Variants in DTNB observed in about 807,000 individuals in gnomAD.
DTNB encodes DTN-B.
In DTNB, 63 loss-of-function variants were observed where a neutral mutation model predicts 90.7. That is an observed-to-expected ratio of 0.69 (90% CI 0.57 to 0.86). The LOEUF is 0.86. Ranked by LOEUF, DTNB falls within the 40% of genes least tolerant of loss-of-function variation. The pLI is 0.00. For synonymous variants in DTNB, 277 were observed against 286.7 expected, an observed-to-expected ratio of 0.97 and a Z score of 0.34; for missense variants, 744 against 807.1, an observed-to-expected ratio of 0.92 and a Z score of 0.95.
chr2:25,499,172 G>A (rs544182919), intron 9 of DTNB, among the ~76,000 whole-genome samples: 11 of 143,694 alleles, frequency 7.7e-5, no homozygotes, highest in Non-Finnish European at 1.6e-4. Flanking sequence ...AGTCGAGATC[G>A]TGTCATTGCA....
intron 3 of DTNB, among the ~76,000 whole-genome samples, chr2:25,633,445 C>T (rs1329507391): frequency 3.9e-5 from 6 of 152,146 alleles, no homozygotes; most frequent in Middle Eastern, 3.2e-3. Context: ...GGATTGCAGA[C>T]GGAGTCTGGT....
intron 2 of DTNB, chr2:25,650,124 T>A (rs1559385254): frequency 1.0e-6 from 1 of 985,340 alleles, no homozygotes; most frequent in Non-Finnish European, 1.2e-6. Flanking sequence ...TAAACCCAGT[T>A]CTTGGCAGGA....
chr2:25,470,679 A>C (rs1395172433), intron 10 of DTNB, among the ~76,000 whole-genome samples: 1 of 152,096 alleles, frequency 6.6e-6, no homozygotes. Context: ...ACCCGGCCTG[A>C]AGACAACAAT....
intron 9 of DTNB, among the ~76,000 whole-genome samples, chr2:25,506,359 T>G (rs576386160): frequency 2.0e-5 from 3 of 149,014 alleles, no homozygotes; most frequent in African/African-American, 7.4e-5. Flanking sequence ...TACCGAGTTG[T>G]TTTTTTTTTA....
chr2:25,522,443 C>T (rs1250969118), intron 9 of DTNB, among the ~76,000 whole-genome samples: 1 of 152,122 alleles, frequency 6.6e-6, no homozygotes, highest in East Asian at 1.9e-4. Context: ...AATTCATTCA[C>T]TCAATACATT....
At chr2:25,523,921 G>C (rs2076614636) in intron 9 of DTNB, among the ~76,000 whole-genome samples, 2 of 133,302 alleles carry the variant, frequency 1.5e-5, no homozygotes, top group East Asian at 2.2e-4. Context: ...TTTTTTTTGA[G>C]ACAGAGTTTC....
intron 1 of DTNB, among the ~76,000 whole-genome samples, chr2:25,664,176 C>T (rs73922449): frequency 0.031 from 4,664 of 152,196 alleles, 112 homozygotes; most frequent in African/African-American, 0.066. Flanking sequence ...TTTTTTATTA[C>T]TGCTTTTTCA....
At chr2:25,436,159 A>G (rs950891815) in intron 12 of DTNB, among the ~76,000 whole-genome samples, 1 of 152,138 alleles carries the variant, frequency 6.6e-6, no homozygotes, top group Admixed American at 6.5e-5. Context: ...ACATGGTGAA[A>G]CCTTGTCTCT....
intron 18 of DTNB, among the ~76,000 whole-genome samples, chr2:25,384,190 G>C (rs1465886298): frequency 2.0e-5 from 3 of 152,234 alleles, no homozygotes; most frequent in African/African-American, 7.2e-5. Context: ...ATGCCTGTCT[G>C]CCCTCAGGTG....
intron 7 of DTNB, 57 bp downstream of exon 7, chr2:25,580,664 A>T: frequency 2.1e-6 from 3 of 1,435,238 alleles, no homozygotes; most frequent in Non-Finnish European, 2.9e-6. Context: ...CATTGCAAAT[A>T]ATCAGTTCCT....
rs1440396795 is a variant in DTNB at position 25,379,291 on chromosome 2, T to C, written c.*28A>G. 2.3e-6 allele frequency: 3 copies of C among 1,327,190 alleles called. No individual in the cohort carries two copies. The highest frequency in any genetic ancestry group is 1.9e-6 in the Non-Finnish European group (2 of 1,029,558). 82.2% of individuals were successfully genotyped at this position (1,327,190 alleles called of 1,614,324 possible). On this transcript the variant is annotated splice_region_variant and 3_prime_UTR_variant, in exon 20 of 21. Coordinates refer to ENST00000406818, the MANE Select transcript of DTNB (RefSeq NM_021907.5). ...AGGCAGAGGACTCTTTGTACTCACCTGAGCTTCCTCTGTGTCCGGCTCCTC... is the reference window on the plus strand; with the variant it reads ...AGGCAGAGGACTCTTTGTACTCACCCGAGCTTCCTCTGTGTCCGGCTCCTC...
intron 9 of DTNB, among the ~76,000 whole-genome samples, chr2:25,509,746 CTTTTTT>C (rs36101268): frequency 2.4e-5 from 2 of 83,738 alleles, no homozygotes; most frequent in African/African-American, 4.9e-5. Flanking sequence ...CTTTTAGATT[CTTTTTT>C]TTTTTTTTTT....
intron 12 of DTNB, among the ~76,000 whole-genome samples, chr2:25,451,303 A>G (rs2059242946): frequency 6.6e-6 from 1 of 152,162 alleles, no homozygotes; most frequent in Non-Finnish European, 1.5e-5. Context: ...ATATCTCTGA[A>G]TTGTTCCCAA....
chr2:25,483,726 C>T (rs1016129251), intron 9 of DTNB, among the ~76,000 whole-genome samples: 8 of 152,128 alleles, frequency 5.3e-5, no homozygotes, highest in Admixed American at 5.2e-4. Context: ...CCCTCCCTAC[C>T]AGGTTCAGCT....
intron 9 of DTNB, among the ~76,000 whole-genome samples, chr2:25,531,236 A>G (rs73922413): frequency 0.017 from 2,577 of 152,340 alleles, 67 homozygotes; most frequent in African/African-American, 0.057. Context: ...CAATGGGCTC[A>G]TGTTTCTGGA....
chr2:25,617,777 C>G (rs1006130450), intron 4 of DTNB, among the ~76,000 whole-genome samples: 1 of 151,978 alleles, frequency 6.6e-6, no homozygotes, highest in African/African-American at 2.4e-5. Context: ...ACATGGGAGG[C>G]TGAGGTAGGA....
chr2:25,524,314 G>A (rs1037806094), intron 9 of DTNB, among the ~76,000 whole-genome samples: 1 of 150,214 alleles, frequency 6.7e-6, no homozygotes, highest in Admixed American at 6.6e-5. Flanking sequence ...ACTCAAAGTT[G>A]AAAGGATCCT....
At chr2:25,657,052 TG>T (rs1286220733) in intron 1 of DTNB, among the ~76,000 whole-genome samples, 3 of 152,182 alleles carry the variant, frequency 2.0e-5, no homozygotes, top group African/African-American at 7.2e-5. Flanking sequence ...GGTGCATGCC[TG>T]TAATGCCAGC....
At chr2:25,519,669 G>A (rs781437120) in intron 9 of DTNB, among the ~76,000 whole-genome samples, 3 of 152,066 alleles carry the variant, frequency 2.0e-5, no homozygotes, top group South Asian at 2.1e-4. Flanking sequence ...GGACTGTCAC[G>A]TCGGCACTCA....
Sources: gnomAD v4.1 joint callset for allele counts (sites outside exome capture counted in the v4.1 genomes callset) on GRCh38, gnomAD v4.1.1 for gene constraint, MANE v1.5 for transcripts, NCBI Gene and HGNC (gene_info 2026-07-23, HGNC 2026-07-21) for gene names.